The following HS6ST2 variants were observed in gnomAD, a reference collection of about 807,000 sequenced individuals.
The protein encoded by HS6ST2 is heparan sulfate 6-O-sulfotransferase 2.
HS6ST2 carries 17 observed loss-of-function variants against 33.0 expected under a neutral mutation model. The ratio of observed to expected loss-of-function variants is 0.52; its 90% confidence interval spans 0.35 to 0.77. The LOEUF is 0.77. Ranked by LOEUF, HS6ST2 falls within the 30% of genes least tolerant of loss-of-function variation. The pLI, the probability that HS6ST2 is intolerant of heterozygous loss-of-function variation, is 0.01. For missense variants in HS6ST2, 519 were observed against 551.7 expected (o/e 0.94, Z 0.59); for synonymous variants, 248 against 237.1 (o/e 1.05, Z -0.42).
At chrX:132,796,562 A>G (rs1161546959) in intron 2 of HS6ST2, among the ~76,000 whole-genome samples, 1 of 112,642 alleles carries the variant, frequency 8.9e-6, no homozygotes, top group Non-Finnish European at 1.9e-5. Flanking sequence ...ATAAAATGCA[A>G]TGATCAGGTT....
At chrX:132,647,730 G>A (rs1166545563) in intron 4 of HS6ST2, among the ~76,000 whole-genome samples, 1 of 112,540 alleles carries the variant, frequency 8.9e-6, no homozygotes, top group African/African-American at 3.2e-5. Flanking sequence ...GACAGGAGGA[G>A]AGTGAAGTTT....
At chrX:132,709,600 C>T (rs761171760) in intron 2 of HS6ST2, among the ~76,000 whole-genome samples, 4 of 110,660 alleles carry the variant, frequency 3.6e-5, no homozygotes, top group Non-Finnish European at 5.7e-5. Context: ...GGCCTAACAT[C>T]AAATCTGTTA....
chrX:132,799,386 T>C (rs5977753), intron 2 of HS6ST2, among the ~76,000 whole-genome samples: 34,035 of 105,218 alleles, frequency 0.32, 4,788 homozygotes, highest in African/African-American at 0.42. Context: ...TTTTTTTTAA[T>C]TATTTTGAGA....
chrX:132,659,179 T>C (rs756027705), intron 4 of HS6ST2, among the ~76,000 whole-genome samples: 62 of 112,591 alleles, frequency 5.5e-4, no homozygotes, highest in African/African-American at 1.7e-3. Flanking sequence ...CAAATGCTAC[T>C]TTAAGCAAGC....
At chrX:132,691,500 C>T (rs1185753501) in intron 3 of HS6ST2, among the ~76,000 whole-genome samples, 1 of 111,783 alleles carries the variant, frequency 8.9e-6, no homozygotes, top group African/African-American at 3.3e-5. Flanking sequence ...ATGGTCTTCC[C>T]CAAAACAAAG....
chrX:132,769,517 C>A lies in HS6ST2; in HGVS notation c.948-61023G>T, dbSNP rs1459147009. Among the ~76,000 whole-genome samples the A allele has an allele frequency of 9.8e-5, 11 of 112,081 alleles. No homozygotes were observed. The Admixed American group carries it at 1.0e-3, about 11-fold the overall frequency. ...TTCATCAATTGCATTTCATAGACAT[C>A]CTCTGCAGCTTTTCCAGCCACTAAC... On this transcript the variant is annotated intron_variant, in intron 2 of 4. Transcript: ENST00000370833.
intron 2 of HS6ST2, among the ~76,000 whole-genome samples, chrX:132,931,371 GC>G (rs1276959371): frequency 8.9e-6 from 1 of 111,799 alleles, no homozygotes; most frequent in East Asian, 2.8e-4. Context: ...GAAGACAGGG[GC>G]TCCCTTCCTC....
chrX:132,690,942 T>G (rs1311675874), intron 3 of HS6ST2, among the ~76,000 whole-genome samples: 1 of 111,869 alleles, frequency 8.9e-6, no homozygotes, highest in East Asian at 2.8e-4. Flanking sequence ...CAAGATGTTA[T>G]GGTGAAAAGC....
chrX:132,958,845 C>A, upstream of HS6ST2: 5 of 348,134 alleles, frequency 1.4e-5, no homozygotes, highest in Non-Finnish European at 9.9e-6. Flanking sequence ...AATTTCCATT[C>A]TCCAGCGGAA....
At chrX:132,870,622 C>A (rs963992609) in intron 2 of HS6ST2, among the ~76,000 whole-genome samples, 2 of 111,658 alleles carry the variant, frequency 1.8e-5, no homozygotes, top group Admixed American at 1.9e-4. Context: ...CACACATCTA[C>A]AGCCATCTGA....
chrX:132,936,268 T>C (rs1429910624), intron 2 of HS6ST2, among the ~76,000 whole-genome samples: 1 of 111,020 alleles, frequency 9.0e-6, no homozygotes, highest in East Asian at 2.8e-4. Flanking sequence ...AATAAACTAC[T>C]GAAATTAACT....
intron 2 of HS6ST2, among the ~76,000 whole-genome samples, chrX:132,816,681 A>C (rs2065397658): frequency 8.9e-6 from 1 of 112,039 alleles, no homozygotes; most frequent in South Asian, 3.7e-4. Context: ...AAAAAGAGAA[A>C]AAAATCTGAA....
chrX:132,872,694 G>T (rs1323970217), intron 2 of HS6ST2, among the ~76,000 whole-genome samples: 1 of 111,758 alleles, frequency 8.9e-6, no homozygotes, highest in Non-Finnish European at 1.9e-5. Flanking sequence ...TTATTGAGAA[G>T]CTGACTCCTT....
chrX:132,662,919 A>G (rs2063784154), intron 4 of HS6ST2, among the ~76,000 whole-genome samples: 1 of 112,256 alleles, frequency 8.9e-6, no homozygotes, highest in Admixed American at 9.5e-5. Context: ...AGCCAAACAG[A>G]GCTCATCAGA....
chrX:132,880,955 C>T lies in HS6ST2; in HGVS notation c.947+75853G>A, dbSNP rs372635558. ...TCCATGTCCCTACAAAGGACATGCA[C>T]TCATCATTTTTTATGGCTGCATAGT... On this transcript the variant is annotated intron_variant, in intron 2 of 4. Transcript: ENST00000370833. Among the ~76,000 whole-genome samples the T allele has an allele frequency of 8.5e-4, 94 of 110,136 alleles. No homozygotes were observed. In the East Asian group the frequency reaches 0.011, roughly 13 times the overall value.
At chrX:132,632,624 G>A (rs1355602577) in intron 4 of HS6ST2, among the ~76,000 whole-genome samples, 1 of 110,099 alleles carries the variant, frequency 9.1e-6, no homozygotes, top group African/African-American at 3.3e-5. Flanking sequence ...TACAGACAGG[G>A]ATAAGACATG....
intron 2 of HS6ST2, among the ~76,000 whole-genome samples, chrX:132,898,166 C>T (rs1225679063): frequency 2.7e-5 from 3 of 109,501 alleles, no homozygotes; most frequent in Admixed American, 9.9e-5. Flanking sequence ...AGTTTCATCC[C>T]GAAACCATCC....
At chrX:132,685,312 A>G (rs1057240213) in intron 3 of HS6ST2, among the ~76,000 whole-genome samples, 3 of 112,083 alleles carry the variant, frequency 2.7e-5, no homozygotes, top group African/African-American at 9.7e-5. Context: ...CTATGGAGTC[A>G]AAAGGAATAA....
At chrX:132,631,873 C>G (rs1184392660) in intron 4 of HS6ST2, among the ~76,000 whole-genome samples, 2 of 111,663 alleles carry the variant, frequency 1.8e-5, no homozygotes, top group Non-Finnish European at 3.8e-5. Flanking sequence ...CCTTTCAGAG[C>G]AAATACATCC....
Sources: allele counts gnomAD v4.1 joint callset (sites outside exome capture counted in the v4.1 genomes callset), GRCh38; gene constraint gnomAD v4.1.1; transcripts MANE v1.5; gene names NCBI Gene and HGNC (gene_info 2026-07-23, HGNC 2026-07-21).